The following TEKT4 variants were observed in gnomAD, a reference collection of about 807,000 sequenced individuals.
TEKT4 encodes tektin-4.
A neutral mutation model predicts 46.0 loss-of-function variants in TEKT4; 46 were observed. The ratio of observed to expected loss-of-function variants is 1.00; its 90% CI spans 0.79 to 1.28. The LOEUF (loss-of-function observed/expected upper bound fraction) is 1.28, where lower values mean the gene tolerates loss of function less well. Among genes scored for constraint, TEKT4 ranks in the 50% most tolerant of loss-of-function variants. The pLI, the probability that TEKT4 is intolerant of heterozygous loss-of-function variation, is 0.00. For synonymous variants in TEKT4, 325 were observed against 265.8 expected (o/e 1.22, Z -2.17); for missense variants, 790 against 622.9 (o/e 1.27, Z -2.85).
chr2:94,876,445 C>T, intron 5 of TEKT4, 108 bp from the exon 6 acceptor site: 2 of 930,404 alleles, frequency 2.1e-6, no homozygotes, highest in Non-Finnish European at 3.3e-6. Flanking sequence ...TGGAGTCTTC[C>T]CAGGACCTCC....
intron 1 of TEKT4, 49 bp from the exon 2 acceptor site, chr2:94,873,471 G>A (rs1255641265): frequency 2.5e-6 from 4 of 1,611,418 alleles, no homozygotes; most frequent in Middle Eastern, 2.3e-4. Flanking sequence ...GGCCTCCTGG[G>A]ATCCTCACCA....
At chr2:94,874,148 G>A (rs1348418892) in intron 3 of TEKT4, 40 bp downstream of exon 3, 47 of 1,598,910 alleles carry the variant, frequency 2.9e-5, no homozygotes, top group Non-Finnish European at 3.8e-5. Flanking sequence ...CCTGGCTGTG[G>A]TCTCGCCTCC....
At chr2:94,874,558 TGGGTA>T (rs1376583352) in intron 3 of TEKT4, among the ~76,000 whole-genome samples, 4 of 41,992 alleles carry the variant, frequency 9.5e-5, no homozygotes, top group Non-Finnish European at 1.9e-4. Context: ...GTGCCCGGGG[TGGGTA>T]GGGTGTGGGG....
rs781991097 is a variant in TEKT4, at chr2:94,872,129, C to CA, written c.498+52_498+53insA. ...TTTGTGGGCGCAGAGAGGAGGAGCCCCCCCCCCCGCAGTTCATGTGGACAA... is the reference window on the plus strand; with the variant it reads ...TTTGTGGGCGCAGAGAGGAGGAGCCCACCCCCCCCGCAGTTCATGTGGACAA... On this transcript the variant is annotated intron_variant, in intron 1 of 5. Coordinates refer to ENST00000295201, the MANE Select transcript of TEKT4 (RefSeq NM_144705.4). The CA allele has an allele frequency of 3.2e-4, 469 of 1,472,862 alleles. 7 individuals are homozygous for CA. The African/African-American group carries it at 5.9e-3, about 19-fold the overall frequency. 91.2% of individuals were successfully genotyped at this position (1,472,862 alleles called of 1,614,324 possible).
chr2:94,875,615 CACA>C lies in TEKT4; in HGVS notation c.967_969del (p.Asn323del). ...ACTGCGGGAAATCACAGATCAGGAA[CACA>C]ACGTGGCGGCACTGAAGCAGGCCAT... On this transcript the variant is annotated inframe_deletion, in exon 5 of 6. Transcript: ENST00000295201. 6.2e-7 allele frequency: 1 copy of C among 1,614,150 alleles called. No homozygotes were observed. The highest frequency in any genetic ancestry group is 8.5e-7 in the Non-Finnish European group (1 of 1,179,986).
chr2:94,872,656 A>G, intron 1 of TEKT4: 1 of 413,952 alleles, frequency 2.4e-6, no homozygotes. Flanking sequence ...GACCTCTCAG[A>G]GCCTGGGGCC....
In TEKT4 at chr2:94,874,840, C is replaced by G. The variant is rs782345124; in HGVS notation, c.778C>G (p.Arg260Gly). The G allele has an allele frequency of 6.2e-7, 1 of 1,606,520 alleles. No homozygotes were observed. The highest frequency in any genetic ancestry group is 1.3e-5 in the African/African-American group (1 of 74,812). The change falls in exon 4 of 6, where the codon CGC (arginine) becomes GGC (glycine). Residue 260 changes from arginine to glycine, a missense_variant. Coordinates refer to ENST00000295201, the MANE Select transcript of TEKT4 (RefSeq NM_144705.4). ...QDNLCRAQRE[R>G]LASANLRVLV... Reference sequence around the variant, plus strand: ...CAATCTGTGCCGTGCCCAGCGCGAGCGCCTGGCCTCGGCCAACCTGCGGGT... The same window carrying G: ...CAATCTGTGCCGTGCCCAGCGCGAGGGCCTGGCCTCGGCCAACCTGCGGGT...
chr2:94,875,703 G>C lies in TEKT4; in HGVS notation c.1052G>C (p.Arg351Pro). ...ACCCGGCTGTACCTGCGCTCGCACC[G>C]GCCCAACATGGAGCTGTGCCGTGAC... ...AQTRLYLRSH[R>P]PNMELCRDAA... The change falls in exon 5 of 6, where the codon CGG becomes CCG. Residue 351 changes from arginine to proline, a missense_variant. By Grantham distance (103) the Arg-to-Pro change is moderately radical. Transcript: ENST00000295201. 6.2e-7 allele frequency: 1 copy of C among 1,614,098 alleles called. No homozygotes were observed. The highest frequency in any genetic ancestry group is 8.5e-7 in the Non-Finnish European group (1 of 1,179,982).
chr2:94,873,245 C>T, intron 1 of TEKT4: 1 of 1,322,092 alleles, frequency 7.6e-7, no homozygotes, highest in Non-Finnish European at 9.7e-7. Context: ...AGCGATGACT[C>T]CTGAAGCCTG....
In TEKT4 at chr2:94,876,593, G is replaced by A. The variant is rs782093291; in HGVS notation, c.1132G>A (p.Ala378Thr). 8 of 1,611,598 alleles carry A rather than the reference G, an allele frequency of 5.0e-6. No homozygotes were observed. The highest frequency in any genetic ancestry group is 6.8e-6 in the Non-Finnish European group (8 of 1,179,516). ...GGAGGAGCTGAACATGTCCCTCACA[G>A]CACTGCGAGAGAAGCTTCTAGAAGC... ...EVEELNMSLT[A>T]LREKLLEAEQ... The change falls in exon 6 of 6, where the codon GCA (alanine) becomes ACA (threonine). Residue 378 changes from alanine to threonine, a missense_variant. Physicochemically the swap from Ala to Thr is moderately conservative, Grantham distance 58 (BLOSUM62 0). Transcript: ENST00000295201.
At position 94,875,587 on chromosome 2, in the gene TEKT4, G is replaced by A. The variant is rs1553396210; in HGVS notation, c.937-1G>A. Reference sequence around the variant, plus strand: ...CCCAAGGAGAACTGTCCTGTCTGCAGACACTGCGGGAAATCACAGATCAGG... The same window carrying A: ...CCCAAGGAGAACTGTCCTGTCTGCAAACACTGCGGGAAATCACAGATCAGG... On this transcript the variant is annotated splice_acceptor_variant, in intron 4 of 5. Transcript: ENST00000295201. LOFTEE classifies it high-confidence loss of function. 1.2e-5 allele frequency: 19 copies of A among 1,614,136 alleles called. No homozygotes were observed. Among genetic ancestry groups the A allele is most frequent in the Non-Finnish European group, 1.5e-5 (18 of 1,179,970 alleles).
intron 4 of TEKT4, 70 bp downstream of exon 4, chr2:94,875,068 T>C: frequency 6.9e-7 from 1 of 1,447,640 alleles, no homozygotes; most frequent in Non-Finnish European, 9.3e-7. Context: ...ACCTTTCTCC[T>C]CTGTCCCATT....
chr2:94,873,625 C>A, intron 2 of TEKT4, 35 bp downstream of exon 2: 3 of 1,612,608 alleles, frequency 1.9e-6, no homozygotes, highest in Non-Finnish European at 1.7e-6. Context: ...TGATTCCTGA[C>A]CCTACCCACA....
At chr2:94,872,902 T>A in intron 1 of TEKT4, 1 of 1,289,302 alleles carries the variant, frequency 7.8e-7, no homozygotes, top group Non-Finnish European at 1.0e-6. Context: ...ACCTGCCAAC[T>A]GATGGAGACA....
rs781939105 is a variant in TEKT4, at chr2:94,871,764, C to T, written c.185C>T (p.Ser62Leu). ...CAGGCCTTCGCCGACCGCGACCAGT[C>T]GGAGCGGCAGCGGCACGAGAGCCAG... ...YHQAFADRDQ[S>L]ERQRHESQQL... is the part of the protein sequence containing the mutation. Residue 62 changes from serine (S) to leucine (L), a missense_variant, in exon 1 of 6, where the codon TCG becomes TTG. Transcript: ENST00000295201. 1.2e-5 allele frequency: 19 copies of T among 1,612,478 alleles called. No individual in the cohort carries two copies. In the East Asian group the frequency reaches 2.5e-4, roughly 21 times the overall value.
intron 1 of TEKT4, 170 bp downstream of exon 1, chr2:94,872,247 C>A: frequency 1.2e-6 from 1 of 847,984 alleles, no homozygotes; most frequent in South Asian, 1.8e-5. Flanking sequence ...CAGGAGGCAG[C>A]TTTGCCCCAG....
chr2:94,871,570 G>T lies in TEKT4; in HGVS notation c.-10G>T. ...CCTCACTCCCCTGGCCCTGGTGGGC[G>T]GCAGGCACCATGGCGCAGACAGTGC... On this transcript the variant is annotated 5_prime_UTR_variant, in exon 1 of 6. Transcript: ENST00000295201. 6.3e-7 allele frequency: 1 copy of T among 1,589,186 alleles called. No homozygotes were observed. The highest frequency in any genetic ancestry group is 1.1e-5 in the South Asian group (1 of 87,644).
chr2:94,874,165 C>T (rs1553395625), intron 3 of TEKT4, 57 bp downstream of exon 3: 32 of 1,581,270 alleles, frequency 2.0e-5, no homozygotes, highest in Non-Finnish European at 2.8e-5. Flanking sequence ...CTCCCTCTGC[C>T]TGGGGGCCCC....
chr2:94,872,840 G>C (rs1181600231), intron 1 of TEKT4: 11 of 1,289,264 alleles, frequency 8.5e-6, no homozygotes, highest in Non-Finnish European at 1.1e-5. Flanking sequence ...CACTCTCTCA[G>C]TGCCTCAAGA....
Sources: allele counts gnomAD v4.1 joint callset (sites outside exome capture counted in the v4.1 genomes callset), GRCh38; gene constraint gnomAD v4.1.1; transcripts MANE v1.5; gene names NCBI Gene and HGNC (gene_info 2026-07-23, HGNC 2026-07-21).